Variants in KCNIP4 observed in about 807,000 individuals in gnomAD.
The protein encoded by KCNIP4 is potassium voltage-gated channel interacting protein 4, also known as Kv channel-interacting protein 4.
In KCNIP4, 12 loss-of-function variants were observed where a neutral mutation model predicts 34.0. The observed-to-expected ratio is 0.35, with a 90% CI of 0.23 to 0.57. The LOEUF (loss-of-function observed/expected upper bound fraction) is 0.57. Among genes scored for constraint, KCNIP4 ranks in the 20% least tolerant of loss-of-function variants. KCNIP4 has a pLI of 0.83. For missense variants in KCNIP4, 238 were observed against 311.7 expected (o/e 0.76, Z 1.78); for synonymous variants, 124 against 102.2 (o/e 1.21, Z -1.29).
intron 5 of KCNIP4, 25 bp downstream of exon 5, chr4:20,749,637 G>A (rs1320813791): frequency 6.7e-7 from 1 of 1,497,866 alleles, no homozygotes; most frequent in African/African-American, 1.4e-5. Context: ...ATAGTCAAAT[G>A]ATATGAAAAT....
At chr4:20,877,365 C>G (rs1724162927) in intron 2 of KCNIP4, among the ~76,000 whole-genome samples, 1 of 152,112 alleles carries the variant, frequency 6.6e-6, no homozygotes, top group South Asian at 2.1e-4. Flanking sequence ...GCAAATTGTC[C>G]CTTCATTCAA....
chr4:20,817,397 G>A (rs1371442904), intron 3 of KCNIP4, among the ~76,000 whole-genome samples: 2 of 151,992 alleles, frequency 1.3e-5, no homozygotes, highest in Non-Finnish European at 2.9e-5. Context: ...CCCTGTTCTC[G>A]ACTAAAACCC....
intron 1 of KCNIP4, among the ~76,000 whole-genome samples, chr4:21,481,210 G>T (rs1003264818): frequency 6.6e-6 from 1 of 152,110 alleles, no homozygotes; most frequent in African/African-American, 2.4e-5. Context: ...TGAGTTCAAG[G>T]GTTTTGGGGG....
intron 1 of KCNIP4, among the ~76,000 whole-genome samples, chr4:21,214,375 T>G (rs1479653341): frequency 6.6e-6 from 1 of 152,198 alleles, no homozygotes; most frequent in African/African-American, 2.4e-5. Flanking sequence ...TTCTTTAAAC[T>G]GTGTTATAAA....
intron 1 of KCNIP4, among the ~76,000 whole-genome samples, chr4:21,413,764 C>A (rs1486310757): frequency 6.6e-6 from 1 of 152,154 alleles, no homozygotes; most frequent in Non-Finnish European, 1.5e-5. Context: ...TTATTTCAGT[C>A]CCTGACAAGA....
chr4:21,465,785 A>G (rs1361937113), intron 1 of KCNIP4, among the ~76,000 whole-genome samples: 1 of 152,186 alleles, frequency 6.6e-6, no homozygotes, highest in Non-Finnish European at 1.5e-5. Context: ...GTAGCTTAAA[A>G]CATGCAAATA....
chr4:21,383,970 C>G (rs976976387), intron 1 of KCNIP4, among the ~76,000 whole-genome samples: 1 of 152,156 alleles, frequency 6.6e-6, no homozygotes, highest in Non-Finnish European at 1.5e-5. Flanking sequence ...TAATTCTACT[C>G]TCTGACCCAC....
At chr4:21,467,961 C>A (rs1448388508) in intron 1 of KCNIP4, among the ~76,000 whole-genome samples, 1 of 152,144 alleles carries the variant, frequency 6.6e-6, no homozygotes, top group South Asian at 2.1e-4. Context: ...CACCAGCAAA[C>A]CCTGAGAGAT....
chr4:21,947,726 G>A (rs1730584161), intron 1 of KCNIP4, among the ~76,000 whole-genome samples: 1 of 152,108 alleles, frequency 6.6e-6, no homozygotes, highest in South Asian at 2.1e-4. Context: ...TCAGGGAGAG[G>A]TCCAGCCCTT....
chr4:21,370,882 C>CACACACACGTGTGT (rs367553482), intron 1 of KCNIP4, among the ~76,000 whole-genome samples: 5 of 39,390 alleles, frequency 1.3e-4, no homozygotes, highest in East Asian at 1.7e-3. Context: ...CACACACACA[C>CACACACACGTGTGT]GTGTGTGTGT....
chr4:21,459,143 T>C (rs1337166433), intron 1 of KCNIP4, among the ~76,000 whole-genome samples: 4 of 152,108 alleles, frequency 2.6e-5, no homozygotes, highest in Non-Finnish European at 1.5e-5. Flanking sequence ...AGAGTTTCTA[T>C]GGCCACTCTC....
intron 1 of KCNIP4, among the ~76,000 whole-genome samples, chr4:21,922,495 T>C (rs1323811059): frequency 2.6e-5 from 4 of 152,256 alleles, no homozygotes; most frequent in East Asian, 1.9e-4. Context: ...TTTTCTTTTA[T>C]ATGCTTCATG....
intron 1 of KCNIP4, among the ~76,000 whole-genome samples, chr4:21,359,877 T>C (rs189086588): frequency 1.3e-5 from 2 of 152,242 alleles, no homozygotes; most frequent in Admixed American, 1.3e-4. Context: ...TTGCAATTCA[T>C]ATAAGATGAA....
chr4:21,493,469 A>T (rs1214363148), intron 1 of KCNIP4, among the ~76,000 whole-genome samples: 1 of 150,932 alleles, frequency 6.6e-6, no homozygotes, highest in Non-Finnish European at 1.5e-5. Context: ...TCTCTAGAAA[A>T]AAAGCATGAC....
At chr4:21,033,273 T>C (rs1741167040) in intron 1 of KCNIP4, among the ~76,000 whole-genome samples, 1 of 152,218 alleles carries the variant, frequency 6.6e-6, no homozygotes, top group Non-Finnish European at 1.5e-5. Flanking sequence ...GTATGAACTC[T>C]TTTTATCCTA....
chr4:21,674,690 A>G (rs1749754204), intron 1 of KCNIP4, among the ~76,000 whole-genome samples: 1 of 152,056 alleles, frequency 6.6e-6, no homozygotes, highest in East Asian at 1.9e-4. Flanking sequence ...TTTTAATCCT[A>G]TATCATACCA....
chr4:20,812,216 A>T (rs1397376024), intron 3 of KCNIP4, among the ~76,000 whole-genome samples: 1 of 152,202 alleles, frequency 6.6e-6, no homozygotes, highest in Non-Finnish European at 1.5e-5. Context: ...GTTGTTCTTT[A>T]TAGGGGAGAT....
At chr4:21,501,622 G>A (rs2109890262) in intron 1 of KCNIP4, among the ~76,000 whole-genome samples, 1 of 151,026 alleles carries the variant, frequency 6.6e-6, no homozygotes, top group East Asian at 2.0e-4. Flanking sequence ...GAATGGCAAT[G>A]GTCTTCAACT....
At chr4:21,093,795 A>T (rs940428995) in intron 1 of KCNIP4, among the ~76,000 whole-genome samples, 2 of 152,146 alleles carry the variant, frequency 1.3e-5, no homozygotes, top group Non-Finnish European at 2.9e-5. Flanking sequence ...TAAAAGAAAA[A>T]AAGCTGGCCA....
Sources: allele counts gnomAD v4.1 joint callset (sites outside exome capture counted in the v4.1 genomes callset), GRCh38; gene constraint gnomAD v4.1.1; transcripts MANE v1.5; gene names NCBI Gene and HGNC (gene_info 2026-07-23, HGNC 2026-07-21).